The following SLC4A8 variants were observed in gnomAD, a reference collection of about 807,000 sequenced individuals.
The protein encoded by SLC4A8 is solute carrier family 4 member 8.
SLC4A8 carries 40 observed loss-of-function variants against 125.0 expected under a neutral mutation model. The ratio of observed to expected loss-of-function variants is 0.32; its 90% CI spans 0.25 to 0.42. The LOEUF is 0.42. SLC4A8 is among the 10% of genes least tolerant of loss of function. The pLI is 1.00. For missense variants in SLC4A8, 863 were observed against 1,355.1 expected (o/e 0.64, Z 5.70); for synonymous variants, 456 against 476.0 (o/e 0.96, Z 0.55).
chr12:51,494,216 G>T (rs147637199), intron 20 of SLC4A8: 1 of 158,744 alleles, frequency 6.3e-6, no homozygotes, highest in Non-Finnish European at 1.4e-5. Context: ...TAGGGGAATA[G>T]TGGGAGTTGC....
At chr12:51,463,186 A>G (rs1408269813) in intron 10 of SLC4A8, among the ~76,000 whole-genome samples, 1 of 152,202 alleles carries the variant, frequency 6.6e-6, no homozygotes, top group Non-Finnish European at 1.5e-5. Flanking sequence ...ATGCAAATTC[A>G]GCCTTCCCAG....
At chr12:51,423,875 AATAC>A (rs897696215), upstream of SLC4A8, among the ~76,000 whole-genome samples, 1 of 151,886 alleles carries the variant, frequency 6.6e-6, no homozygotes, top group African/African-American at 2.4e-5. Context: ...CTCTACTACA[AATAC>A]AAAAAAATCA....
At chr12:51,432,738 CA>C (rs1471838710) in intron 1 of SLC4A8, among the ~76,000 whole-genome samples, 1 of 151,914 alleles carries the variant, frequency 6.6e-6, no homozygotes, top group African/African-American at 2.4e-5. Flanking sequence ...AACAAACAAA[CA>C]AAAAACTCTG....
At chr12:51,483,413 G>A (rs1429625481) in intron 16 of SLC4A8, among the ~76,000 whole-genome samples, 1 of 150,112 alleles carries the variant, frequency 6.7e-6, no homozygotes, top group African/African-American at 2.4e-5. Context: ...GGAAATGGTG[G>A]TTTTTCCTGT....
intron 1 of SLC4A8, chr12:51,391,697 C>G (rs923169335): frequency 6.6e-6 from 1 of 152,212 alleles, no homozygotes; most frequent in African/African-American, 2.4e-5. Flanking sequence ...GGGACCTCCC[C>G]CAGCTGCACT....
At chr12:51,496,538 G>C (rs1424952340) in intron 21 of SLC4A8, among the ~76,000 whole-genome samples, 1 of 152,216 alleles carries the variant, frequency 6.6e-6, no homozygotes, top group African/African-American at 2.4e-5. Flanking sequence ...CCCAAAGCAA[G>C]GATTTGGGTA....
At chr12:51,409,549 T>A (rs1227231485) in intron 1 of SLC4A8, among the ~76,000 whole-genome samples, 1 of 152,202 alleles carries the variant, frequency 6.6e-6, no homozygotes, top group African/African-American at 2.4e-5. Flanking sequence ...CTTTTTGATA[T>A]TTTTAAAGAG....
intron 14 of SLC4A8, among the ~76,000 whole-genome samples, chr12:51,473,717 T>C (rs541232918): frequency 6.6e-6 from 1 of 152,326 alleles, no homozygotes; most frequent in East Asian, 1.9e-4. Flanking sequence ...TGGTCTGGTC[T>C]GGTCTGGTTT....
chr12:51,405,962 G>A (rs1948478522), intron 1 of SLC4A8, among the ~76,000 whole-genome samples: 1 of 152,192 alleles, frequency 6.6e-6, no homozygotes, highest in Admixed American at 6.5e-5. Context: ...TAGGGTGTGA[G>A]TGCAGCAGAT....
At chr12:51,491,466 C>A (rs1421105119) in intron 19 of SLC4A8, among the ~76,000 whole-genome samples, 1 of 151,978 alleles carries the variant, frequency 6.6e-6, no homozygotes, top group Non-Finnish European at 1.5e-5. Context: ...GAAAATGTTT[C>A]AAGAAAGAGG....
At chr12:51,420,802 T>C (rs1948773237), upstream of SLC4A8, among the ~76,000 whole-genome samples, 1 of 152,128 alleles carries the variant, frequency 6.6e-6, no homozygotes, top group African/African-American at 2.4e-5. Flanking sequence ...GACAGTAGGG[T>C]GGTGAAGCTC....
chr12:51,490,552 G>C (rs1951283875), intron 19 of SLC4A8, among the ~76,000 whole-genome samples: 1 of 122,202 alleles, frequency 8.2e-6, no homozygotes, highest in Admixed American at 1.0e-4. Context: ...AACAGAGCGA[G>C]ACTCCATCTC....
intron 7 of SLC4A8, 45 bp from the exon 8 acceptor site, chr12:51,459,906 A>G (rs767398439): frequency 6.5e-7 from 1 of 1,527,364 alleles, no homozygotes; most frequent in East Asian, 2.2e-5. Context: ...ACGATATTTA[A>G]GGTGGTGGTT....
At chr12:51,467,519 C>A (rs1950557191) in intron 11 of SLC4A8, 1 of 152,228 alleles carries the variant, frequency 6.6e-6, no homozygotes, top group Non-Finnish European at 1.5e-5. Flanking sequence ...AAAGAGCTGG[C>A]TGGATCTTCT....
intron 1 of SLC4A8, among the ~76,000 whole-genome samples, chr12:51,434,235 A>G (rs1398465933): frequency 6.6e-6 from 1 of 152,154 alleles, no homozygotes; most frequent in East Asian, 1.9e-4. Flanking sequence ...TTATTTCATG[A>G]GTAAAAATTT....
chr12:51,471,404 C>T lies in SLC4A8; in HGVS notation c.1776C>T (p.Phe592=). 6.2e-7 allele frequency: 1 copy of T among 1,614,194 alleles called. No individual in the cohort carries two copies. The highest frequency in any genetic ancestry group is 8.5e-7 in the Non-Finnish European group (1 of 1,180,032). ...ASSLVCYITR[F]TEEAFASLIC... ...CCCTTGTCTGCTACATTACCCGTTT[C>T]ACTGAAGAAGCATTTGCCTCCCTAA... Residue 592 remains phenylalanine (F), a synonymous_variant, in exon 14 of 25, where the codon TTC becomes TTT. Coordinates refer to ENST00000453097, the MANE Select transcript of SLC4A8 (RefSeq NM_001039960.3).
In SLC4A8 at chr12:51,507,537, A is replaced by AGGACAGGGCCAGACTTG; in HGVS notation, c.*100_*101insGACAGGGCCAGACTTGG. On this transcript the variant is annotated 3_prime_UTR_variant, in exon 25 of 25. Coordinates refer to ENST00000453097, the MANE Select transcript of SLC4A8 (RefSeq NM_001039960.3). ...GTCTCTCAGAGAAGAAGCAAGACCAAGTCTGGCCCTGTCCTTGGTCATCTC... is the reference window on the plus strand; with the variant it reads ...GTCTCTCAGAGAAGAAGCAAGACCAAGGACAGGGCCAGACTTGGTCTGGCCCTGTCCTTGGTCATCTC... The AGGACAGGGCCAGACTTG allele has an allele frequency of 1.2e-6, 1 of 834,322 alleles. No homozygotes were observed. Among genetic ancestry groups the AGGACAGGGCCAGACTTG allele is most frequent in the Non-Finnish European group, 1.7e-6 (1 of 579,928 alleles). 51.7% of individuals were successfully genotyped at this position (834,322 alleles called of 1,614,324 possible).
intron 6 of SLC4A8, among the ~76,000 whole-genome samples, chr12:51,458,186 T>C (rs929550498): frequency 1.2e-4 from 18 of 152,350 alleles, no homozygotes; most frequent in African/African-American, 4.1e-4. Flanking sequence ...TCTACATTTA[T>C]TTCCTGGTCT....
At chr12:51,502,898 G>A (rs958339281) in intron 22 of SLC4A8, among the ~76,000 whole-genome samples, 2 of 149,388 alleles carry the variant, frequency 1.3e-5, no homozygotes, top group African/African-American at 2.5e-5. Context: ...CTGGAGTGCA[G>A]TGGCGCCATC....
Sources: allele counts gnomAD v4.1 joint callset (sites outside exome capture counted in the v4.1 genomes callset), GRCh38; gene constraint gnomAD v4.1.1; transcripts MANE v1.5; gene names NCBI Gene and HGNC (gene_info 2026-07-23, HGNC 2026-07-21).